The following CDKAL1 variants were observed in gnomAD, a reference collection of about 807,000 sequenced individuals.
The protein encoded by CDKAL1 is threonylcarbamoyladenosine tRNA methylthiotransferase.
CDKAL1 carries 32 observed loss-of-function variants against 68.2 expected under a neutral mutation model. The observed-to-expected ratio is 0.47, with a 90% CI of 0.35 to 0.63. The LOEUF is 0.63. CDKAL1 is among the 30% of genes least tolerant of loss of function. The probability of loss-of-function intolerance (pLI) is 0.00; values close to 1 mark genes in which losing one functional copy is unlikely to be tolerated. For synonymous variants in CDKAL1, 234 were observed against 244.3 expected (o/e 0.96, Z 0.39); for missense variants, 606 against 696.7 (o/e 0.87, Z 1.47).
intron 4 of CDKAL1, among the ~76,000 whole-genome samples, chr6:20,585,173 C>T (rs565584792): frequency 6.6e-6 from 1 of 151,924 alleles, no homozygotes; most frequent in African/African-American, 2.4e-5. Flanking sequence ...TCTCCTGCCT[C>T]AGCCTCCCCA....
intron 11 of CDKAL1, among the ~76,000 whole-genome samples, chr6:21,026,407 C>A (rs186061831): frequency 6.6e-6 from 1 of 152,040 alleles, no homozygotes; most frequent in Non-Finnish European, 1.5e-5. Context: ...ATTGGGAAAA[C>A]GGATTTTATC....
intron 4 of CDKAL1, among the ~76,000 whole-genome samples, chr6:20,641,785 A>G (rs151281765): frequency 9.3e-4 from 142 of 152,302 alleles, no homozygotes; most frequent in African/African-American, 2.8e-3. Flanking sequence ...TGCCTTGTCA[A>G]TAATCTTCAA....
At chr6:21,013,632 T>G (rs1768141042) in intron 11 of CDKAL1, among the ~76,000 whole-genome samples, 1 of 152,206 alleles carries the variant, frequency 6.6e-6, no homozygotes, top group South Asian at 2.1e-4. Flanking sequence ...TCTCTATAGC[T>G]ATAGACTAAG....
intron 5 of CDKAL1, among the ~76,000 whole-genome samples, chr6:20,680,999 C>T (rs758937706): frequency 6.6e-6 from 1 of 152,080 alleles, no homozygotes; most frequent in East Asian, 1.9e-4. Flanking sequence ...GTATTTAATG[C>T]CTTAAATGAA....
At chr6:20,786,358 T>C (rs1416179129) in intron 8 of CDKAL1, among the ~76,000 whole-genome samples, 1 of 152,150 alleles carries the variant, frequency 6.6e-6, no homozygotes, top group Non-Finnish European at 1.5e-5. Context: ...TATGTAGAAT[T>C]TTTTAAAAAG....
intron 5 of CDKAL1, among the ~76,000 whole-genome samples, chr6:20,735,231 A>G (rs921538788): frequency 5.9e-5 from 9 of 152,166 alleles, no homozygotes; most frequent in African/African-American, 2.2e-4. Flanking sequence ...ACATGTGCAG[A>G]TTTGTTACAT....
At chr6:20,615,989 T>C (rs1766877399) in intron 4 of CDKAL1, among the ~76,000 whole-genome samples, 1 of 150,524 alleles carries the variant, frequency 6.6e-6, no homozygotes, top group African/African-American at 2.4e-5. Flanking sequence ...AGTTTCAGCT[T>C]TCTACATATG....
chr6:20,968,272 T>G (rs965937394), intron 10 of CDKAL1, among the ~76,000 whole-genome samples: 4 of 151,302 alleles, frequency 2.6e-5, no homozygotes, highest in African/African-American at 9.7e-5. Flanking sequence ...ACTTCTCTCA[T>G]GTCAGCATCC....
rs539103979 is a variant in CDKAL1, at chr6:20,811,023, T to C, written c.638+29758T>C. Among the ~76,000 whole-genome samples, 9 of 152,282 alleles carry C rather than the reference T, an allele frequency of 5.9e-5. No individual in the cohort carries two copies. In the East Asian group the frequency reaches 9.7e-4, roughly 16 times the overall value. ...TCAATACTATTTTTATTTAGATTCA[T>C]GTAAGGAATATGAGCAGGAGACATA... On this transcript the variant is annotated intron_variant, in intron 8 of 15. Coordinates refer to ENST00000274695, the MANE Select transcript of CDKAL1 (RefSeq NM_017774.3).
chr6:20,820,376 C>T lies in CDKAL1; in HGVS notation c.639-25699C>T, dbSNP rs1448786794. 2.0e-5 allele frequency among the ~76,000 whole-genome samples: 3 copies of T among 152,048 alleles called. No homozygotes were observed. The East Asian group carries it at 5.8e-4, about 29-fold the overall frequency. The stretch of plus-strand genomic sequence containing the variant: ...TTTCTGAGTAATTTACAGACATTAG[C>T]TTGTTTCTTCTTCCCACCCACCCTG... On this transcript the variant is annotated intron_variant, in intron 8 of 15. Coordinates refer to ENST00000274695, the MANE Select transcript of CDKAL1 (RefSeq NM_017774.3).
rs1231837577 is a variant in CDKAL1 at position 20,955,473 on chromosome 6, A to G, written c.797A>G (p.Asp266Gly). Residue 266 changes from aspartate to glycine, a missense_variant, in exon 10 of 16, where the codon GAT becomes GGT. Coordinates refer to ENST00000274695, the MANE Select transcript of CDKAL1 (RefSeq NM_017774.3). ...GAAGACACGGGGGCTTATGGCAGAG[A>G]TATTGGCACCAATCTCCCCACACTC... is the stretch of plus-strand genomic sequence containing the variant. Reference protein sequence around the residue: ...TSEDTGAYGRDIGTNLPTLLW... With the variant: ...TSEDTGAYGRGIGTNLPTLLW... The G allele has an allele frequency of 1.9e-6, 3 of 1,613,994 alleles. No individual in the cohort carries two copies. In the Admixed American group the frequency reaches 5.0e-5, roughly 27 times the overall value.
intron 8 of CDKAL1, among the ~76,000 whole-genome samples, chr6:20,837,937 T>TTGTGTGTGTGTGTGTG (rs531904726): frequency 8.1e-6 from 1 of 123,202 alleles, no homozygotes; most frequent in African/African-American, 3.0e-5. Flanking sequence ...TGGGAAGAAA[T>TTGTGTGTGTGTGTGTG]TGTGTGTGTG....
intron 12 of CDKAL1, among the ~76,000 whole-genome samples, chr6:21,095,856 A>C (rs79449198): frequency 6.6e-6 from 1 of 152,356 alleles, no homozygotes; most frequent in East Asian, 1.9e-4. Flanking sequence ...TGTATGTTTA[A>C]TATATGGAAC....
chr6:20,832,897 C>G (rs866099481), intron 8 of CDKAL1, among the ~76,000 whole-genome samples: 2 of 152,120 alleles, frequency 1.3e-5, no homozygotes, highest in Admixed American at 6.6e-5. Flanking sequence ...TTGGCTATAT[C>G]TCCTCTGACT....
chr6:21,021,070 C>G (rs1010176364), intron 11 of CDKAL1, among the ~76,000 whole-genome samples: 10 of 152,112 alleles, frequency 6.6e-5, no homozygotes, highest in Admixed American at 3.9e-4. Context: ...TAATCAAAAT[C>G]ACAATACTGA....
intron 11 of CDKAL1, among the ~76,000 whole-genome samples, chr6:21,034,560 C>A (rs543387970): frequency 5.9e-4 from 90 of 152,286 alleles, no homozygotes; most frequent in Non-Finnish European, 1.1e-3. Flanking sequence ...GAAATGAGTA[C>A]AGTTTTCTAA....
intron 6 of CDKAL1, among the ~76,000 whole-genome samples, chr6:20,757,062 T>G (rs1472869634): frequency 1.3e-5 from 2 of 151,902 alleles, no homozygotes; most frequent in Non-Finnish European, 2.9e-5. Flanking sequence ...GCCTCCTGAG[T>G]AGCTGGGACT....
At chr6:21,174,636 C>T (rs1391275052) in intron 13 of CDKAL1, among the ~76,000 whole-genome samples, 1 of 151,906 alleles carries the variant, frequency 6.6e-6, no homozygotes, top group Non-Finnish European at 1.5e-5. Context: ...GGTAAGAAAA[C>T]CCTCATAAAC....
At chr6:21,173,303 T>G (rs1562091576) in intron 13 of CDKAL1, among the ~76,000 whole-genome samples, 4 of 152,086 alleles carry the variant, frequency 2.6e-5, no homozygotes, top group Non-Finnish European at 4.4e-5. Context: ...AATGTGGTGT[T>G]TGTTTGTTTT....
Sources: allele counts gnomAD v4.1 joint callset (sites outside exome capture counted in the v4.1 genomes callset), GRCh38; gene constraint gnomAD v4.1.1; transcripts MANE v1.5; gene names NCBI Gene and HGNC (gene_info 2026-07-23, HGNC 2026-07-21).